The following PLA2G12A variants were observed in gnomAD, a reference collection of about 807,000 sequenced individuals.
PLA2G12A encodes the protein phospholipase A2 group XIIA, also known as group XIIA secretory phospholipase A2.
A neutral mutation model predicts 16.0 loss-of-function variants in PLA2G12A; 11 were observed. The observed-to-expected ratio is 0.69, with a 90% CI of 0.43 to 1.13. The LOEUF (loss-of-function observed/expected upper bound fraction) is 1.13. PLA2G12A is among the 50% of genes most tolerant of loss of function. The probability of loss-of-function intolerance (pLI) is 0.00; values close to 1 mark genes in which losing one functional copy is unlikely to be tolerated. For missense variants in PLA2G12A, 214 were observed against 237.3 expected, an observed-to-expected ratio of 0.90 and a Z score of 0.65; for synonymous variants, 77 against 93.8, an observed-to-expected ratio of 0.82 and a Z score of 1.03.
At chr4:109,721,761 T>C (rs771804584) in intron 1 of PLA2G12A, among the ~76,000 whole-genome samples, 5 of 152,144 alleles carry the variant, frequency 3.3e-5, no homozygotes, top group Non-Finnish European at 7.4e-5. Flanking sequence ...CAGTTTGCTG[T>C]TTTCAGTTAA....
Position 109,710,288 on chromosome 4 carries a change from C to A in PLA2G12A, c.*4089G>T, listed in dbSNP as rs1293571568. The A allele has an allele frequency of 2.6e-5, 4 of 152,158 alleles. No homozygotes were observed. Among genetic ancestry groups the A allele is most frequent in the Admixed American group, 1.3e-4 (2 of 15,272 alleles). The allele number at this position is 152,158 out of a possible 1,614,324, so 9.4% of individuals were successfully genotyped here. A position where few individuals can be genotyped will look rare whatever the true frequency, so the allele number is the denominator to read the frequency against. On this transcript the variant is annotated 3_prime_UTR_variant, in exon 4 of 4. Coordinates refer to ENST00000243501, the MANE Select transcript of PLA2G12A (RefSeq NM_030821.5). ...ACTGAAGTCAGTCAACTATTAATAA[C>A]AGAATTGTTTTTATAGAAAGATTCC...
At position 109,710,059 on chromosome 4, in the gene PLA2G12A, ATT is replaced by A. The variant is rs1730694120; in HGVS notation, c.*4316_*4317del. ...TGCACTGATTCATTTTTGCTCTTTT[ATT>A]TTTTAGGCAGATGGCTGGTTTTTGT... On this transcript the variant is annotated 3_prime_UTR_variant, in exon 4 of 4. Transcript: ENST00000243501. 1 of 152,140 alleles carries A rather than the reference ATT, an allele frequency of 6.6e-6. No homozygotes were observed. Among genetic ancestry groups the A allele is most frequent in the Admixed American group, 6.5e-5 (1 of 15,272 alleles). The allele number at this position is 152,140 out of a possible 1,614,324, so 9.4% of individuals were successfully genotyped here.
chr4:109,727,356 C>T (rs1172880487), intron 1 of PLA2G12A, among the ~76,000 whole-genome samples: 1 of 152,078 alleles, frequency 6.6e-6, no homozygotes, highest in East Asian at 1.9e-4. Context: ...ACTGATCCGC[C>T]CGCCTCAGCC....
At chr4:109,719,878 C>T (rs981430114) in intron 1 of PLA2G12A, among the ~76,000 whole-genome samples, 2 of 152,148 alleles carry the variant, frequency 1.3e-5, no homozygotes, top group African/African-American at 4.8e-5. Flanking sequence ...AGGGTCGCCG[C>T]TAACCTTCGA....
chr4:109,714,248 A>G lies in PLA2G12A; in HGVS notation c.*129T>C. On this transcript the variant is annotated 3_prime_UTR_variant, in exon 4 of 4. Transcript: ENST00000243501. ...TGCTTTGAGGTTTTAACATCAAGATATAAATTATTTTAAGGTCTCAAAATA... is the reference window on the plus strand; with the variant it reads ...TGCTTTGAGGTTTTAACATCAAGATGTAAATTATTTTAAGGTCTCAAAATA... The G allele has an allele frequency of 2.7e-6, 2 of 745,936 alleles. No individual in the cohort carries two copies. The highest frequency in any genetic ancestry group is 1.7e-5 in the African/African-American group (1 of 57,376). 46.2% of individuals were successfully genotyped at this position (745,936 alleles called of 1,614,324 possible). A position where few individuals can be genotyped will look rare whatever the true frequency, so the allele number is the denominator to read the frequency against.
intron 1 of PLA2G12A, among the ~76,000 whole-genome samples, chr4:109,723,687 G>A (rs1050793556): frequency 2.0e-5 from 3 of 152,224 alleles, no homozygotes; most frequent in African/African-American, 7.2e-5. Context: ...CAGGGGTTTT[G>A]ACAATCAACT....
At chr4:109,716,626 G>A (rs992854969) in intron 3 of PLA2G12A, among the ~76,000 whole-genome samples, 2 of 152,072 alleles carry the variant, frequency 1.3e-5, no homozygotes, top group African/African-American at 2.4e-5. Flanking sequence ...AACTCTGTGA[G>A]GTGAGTATCA....
intron 1 of PLA2G12A, among the ~76,000 whole-genome samples, chr4:109,728,775 G>A (rs972552432): frequency 6.6e-6 from 1 of 152,048 alleles, no homozygotes; most frequent in African/African-American, 2.4e-5. Flanking sequence ...TCTAACCTTG[G>A]CTAATCTTAT....
intron 1 of PLA2G12A, among the ~76,000 whole-genome samples, chr4:109,719,785 A>G (rs778555253): frequency 6.6e-6 from 1 of 152,238 alleles, no homozygotes; most frequent in Non-Finnish European, 1.5e-5. Flanking sequence ...ATTTAAAAAT[A>G]CTTTATTGCT....
chr4:109,719,438 T>C (rs898199866), intron 1 of PLA2G12A, among the ~76,000 whole-genome samples: 18 of 152,208 alleles, frequency 1.2e-4, no homozygotes, highest in African/African-American at 3.1e-4. Flanking sequence ...AGAAGTACTG[T>C]AGTTCTAATG....
chr4:109,721,830 T>G (rs562804744), intron 1 of PLA2G12A, among the ~76,000 whole-genome samples: 2 of 152,122 alleles, frequency 1.3e-5, no homozygotes, highest in Non-Finnish European at 2.9e-5. Flanking sequence ...TTGCTTATGT[T>G]CTTACGTTCT....
Position 109,712,748 on chromosome 4 carries a change from A to C in PLA2G12A, c.*1629T>G, listed in dbSNP as rs1407709676. ...TGACCTCAAGTGATCCAACCGCCTC[A>C]GCCTCCCAAAGTGCTGGGATTATAG... On this transcript the variant is annotated 3_prime_UTR_variant, in exon 4 of 4. Transcript: ENST00000243501. 6.6e-6 allele frequency: 1 copy of C among 152,186 alleles called. No homozygotes were observed. Among genetic ancestry groups the C allele is most frequent in the East Asian group, 1.9e-4 (1 of 5,184 alleles). The allele number at this position is 152,186 out of a possible 1,614,324, so 9.4% of individuals were successfully genotyped here.
Position 109,712,873 on chromosome 4 carries a change from T to C in PLA2G12A, c.*1504A>G, listed in dbSNP as rs971136933. ...TTTGAAATAAAGAATCAATTGAGGG[T>C]CCCAAACATTTAAGTGGAAACCCAG... On this transcript the variant is annotated 3_prime_UTR_variant, in exon 4 of 4. Transcript: ENST00000243501. The C allele has an allele frequency of 6.6e-6, 1 of 151,998 alleles. No homozygotes were observed. The highest frequency in any genetic ancestry group is 2.1e-4 in the South Asian group (1 of 4,814). 9.4% of individuals were successfully genotyped at this position (151,998 alleles called of 1,614,324 possible).
chr4:109,726,070 C>T (rs894669474), intron 1 of PLA2G12A, among the ~76,000 whole-genome samples: 3 of 152,164 alleles, frequency 2.0e-5, no homozygotes, highest in Non-Finnish European at 1.5e-5. Context: ...ACTTGAACAT[C>T]CACCCACTTA....
At chr4:109,722,902 A>G (rs1199666107) in intron 1 of PLA2G12A, among the ~76,000 whole-genome samples, 1 of 152,236 alleles carries the variant, frequency 6.6e-6, no homozygotes, top group Non-Finnish European at 1.5e-5. Context: ...AATTTTTACA[A>G]TAAGTATGTG....
intron 1 of PLA2G12A, among the ~76,000 whole-genome samples, chr4:109,728,272 G>A (rs1337399783): frequency 6.6e-6 from 1 of 152,130 alleles, no homozygotes; most frequent in Admixed American, 6.5e-5. Flanking sequence ...TCCCTCACCA[G>A]AACTCAAGCT....
At chr4:109,725,436 A>G (rs190834901) in intron 1 of PLA2G12A, among the ~76,000 whole-genome samples, 384 of 152,350 alleles carry the variant, frequency 2.5e-3, no homozygotes, top group Non-Finnish European at 3.9e-3. Context: ...GCATTTTAAA[A>G]ATTAGCATTT....
intron 1 of PLA2G12A, among the ~76,000 whole-genome samples, chr4:109,727,768 T>A (rs1158479023): frequency 6.6e-6 from 1 of 152,100 alleles, no homozygotes; most frequent in African/African-American, 2.4e-5. Context: ...ACCACTGCCC[T>A]CTAGCCTGGG....
At chr4:109,727,989 G>C (rs544934991) in intron 1 of PLA2G12A, among the ~76,000 whole-genome samples, 13 of 152,302 alleles carry the variant, frequency 8.5e-5, no homozygotes, top group South Asian at 4.1e-4. Context: ...CTTTGGCTCA[G>C]GCCAAAACCT....
Sources: allele counts gnomAD v4.1 joint callset (sites outside exome capture counted in the v4.1 genomes callset), GRCh38; gene constraint gnomAD v4.1.1; transcripts MANE v1.5; gene names NCBI Gene and HGNC (gene_info 2026-07-23, HGNC 2026-07-21).